The following ABCA12 variants were observed in gnomAD, a reference collection of about 807,000 sequenced individuals.
ABCA12 encodes glucosylceramide transporter ABCA12.
A neutral mutation model predicts 293.5 loss-of-function variants in ABCA12; 156 were observed. The ratio of observed to expected loss-of-function variants is 0.53; its 90% confidence interval spans 0.47 to 0.61. The LOEUF is 0.61. Among genes scored for constraint, ABCA12 ranks in the 20% least tolerant of loss-of-function variants. The pLI, the probability that ABCA12 is intolerant of heterozygous loss-of-function variation, is 0.00. For synonymous variants in ABCA12, 1,063 were observed against 1,108.0 expected, an observed-to-expected ratio of 0.96 and a Z score of 0.81; for missense variants, 2,797 against 3,090.2, an observed-to-expected ratio of 0.91 and a Z score of 2.25.
chr2:215,071,918 C>T (rs887931593), intron 2 of ABCA12, among the ~76,000 whole-genome samples: 11 of 152,276 alleles, frequency 7.2e-5, no homozygotes, highest in African/African-American at 2.4e-4. Context: ...CTGTATCAAC[C>T]GCTGTAGTGT....
intron 33 of ABCA12, among the ~76,000 whole-genome samples, chr2:214,976,761 A>G (rs896527871): frequency 1.3e-5 from 2 of 152,216 alleles, no homozygotes; most frequent in Non-Finnish European, 2.9e-5. Flanking sequence ...ATGCTTTTCT[A>G]GTGCTGAGAA....
At position 214,934,228 on chromosome 2, in the gene ABCA12, A is replaced by G; in HGVS notation, c.7543-13T>C. 6.2e-7 allele frequency: 1 copy of G among 1,613,634 alleles called. No homozygotes were observed. The highest frequency in any genetic ancestry group is 8.5e-7 in the Non-Finnish European group (1 of 1,179,648). ...TGAGGTGCTGATCCTGTGGGAACCA[A>G]AGGAAAAAAGTTTATTTTGCAATGT... is the stretch of plus-strand genomic sequence containing the variant. On this transcript the variant is annotated splice_polypyrimidine_tract_variant and intron_variant, in intron 51 of 52. Coordinates refer to ENST00000272895, the MANE Select transcript of ABCA12 (RefSeq NM_173076.3).
At chr2:214,960,924 C>T (rs1574944049) in intron 39 of ABCA12, among the ~76,000 whole-genome samples, 1 of 152,058 alleles carries the variant, frequency 6.6e-6, no homozygotes, top group East Asian at 1.9e-4. Flanking sequence ...TAGATATTGA[C>T]ATTGCAAAGG....
In ABCA12 at chr2:214,970,321, C is replaced by T. The variant is rs764908376; in HGVS notation, c.5642G>A (p.Arg1881Gln). ...AGTTGATATAAGATAATTTTCCACTCGTTGCCCAGTGAGGTTATAAATTAC... is the reference window on the plus strand; with the variant it reads ...AGTTGATATAAGATAATTTTCCACTTGTTGCCCAGTGAGGTTATAAATTAC... ...SQVIYNLTGQ[R>Q]VENYLISTAN... The change falls in exon 37 of 53, where the codon CGA becomes CAA. Residue 1881 changes from arginine (R) to glutamine (Q), a missense_variant. Transcript: ENST00000272895. 2.7e-5 allele frequency: 43 copies of T among 1,613,074 alleles called. No homozygotes were observed. The highest frequency in any genetic ancestry group is 2.0e-4 in the East Asian group (9 of 44,802).
At chr2:215,109,064 CA>C (rs1248025447) in intron 2 of ABCA12, among the ~76,000 whole-genome samples, 187 of 136,070 alleles carry the variant, frequency 1.4e-3, no homozygotes, top group Admixed American at 1.5e-3. Context: ...AAGACTGTCT[CA>C]AAAAAAAAAA....
intron 51 of ABCA12, 31 bp from the exon 52 acceptor site, chr2:214,934,246 T>G (rs1253329455): frequency 1.2e-6 from 2 of 1,613,306 alleles, no homozygotes; most frequent in Non-Finnish European, 1.7e-6. Context: ...AAGTTTATTT[T>G]GCAATGTCTG....
At chr2:215,036,721 C>T (rs1701002058) in intron 8 of ABCA12, among the ~76,000 whole-genome samples, 1 of 151,900 alleles carries the variant, frequency 6.6e-6, no homozygotes, top group African/African-American at 2.4e-5. Flanking sequence ...TACAAGCTAA[C>T]AGAGATCATT....
chr2:215,094,772 G>A (rs189612965), intron 2 of ABCA12, among the ~76,000 whole-genome samples: 3 of 149,820 alleles, frequency 2.0e-5, no homozygotes, highest in East Asian at 2.0e-4. Flanking sequence ...AAATCGAACC[G>A]CCCCCTCTAC....
chr2:214,958,955 T>A, intron 40 of ABCA12, 69 bp downstream of exon 40: 1 of 1,424,890 alleles, frequency 7.0e-7, no homozygotes, highest in Admixed American at 1.7e-5. Flanking sequence ...TGATTTCCAA[T>A]TACAGCACTT....
At chr2:214,950,384 C>CTGTGTGTGTG (rs61619476) in intron 45 of ABCA12, among the ~76,000 whole-genome samples, 10 of 116,640 alleles carry the variant, frequency 8.6e-5, no homozygotes, top group Admixed American at 2.6e-4. Flanking sequence ...ATATATATAT[C>CTGTGTGTGTG]TGTGTGTGTG....
At position 215,010,354 on chromosome 2, in the gene ABCA12, C is replaced by T; in HGVS notation, c.2449G>A (p.Val817Ile). 6.2e-7 allele frequency: 1 copy of T among 1,613,698 alleles called. No homozygotes were observed. The highest frequency in any genetic ancestry group is 8.5e-7 in the Non-Finnish European group (1 of 1,179,724). ...ACCTTTTCCATTATTGCCTTTGTGA[C>T]TGGGTTATATGGTGCATACAAAATT... ...GRILYAPYNP[V>I]TKAIMEKSNV... The change falls in exon 18 of 53, where the codon GTC becomes ATC. Residue 817 changes from valine (V) to isoleucine (I), a missense_variant. This residue lies in a region of ABCA12 where 2,130 missense variants were observed against 2,427.0 expected (regional missense o/e 0.88). Transcript: ENST00000272895.
intron 7 of ABCA12, among the ~76,000 whole-genome samples, chr2:215,040,957 C>T (rs1420206125): frequency 6.6e-6 from 1 of 152,116 alleles, no homozygotes; most frequent in Non-Finnish European, 1.5e-5. Context: ...TGATGGTTTG[C>T]TGCACCTACT....
At chr2:215,068,846 C>T (rs192191497) in intron 2 of ABCA12, among the ~76,000 whole-genome samples, 5 of 152,198 alleles carry the variant, frequency 3.3e-5, no homozygotes, top group Admixed American at 2.0e-4. Flanking sequence ...GACTCACTTC[C>T]GCAATAAATT....
At chr2:215,105,204 A>G (rs10205135) in intron 2 of ABCA12, among the ~76,000 whole-genome samples, 24,070 of 152,142 alleles carry the variant, frequency 0.16, 2,483 homozygotes, top group African/African-American at 0.27. Context: ...AGCAGCAAAC[A>G]CTTAAAGACC....
intron 16 of ABCA12, 127 bp downstream of exon 16, chr2:215,011,844 A>G (rs1700381628): frequency 2.5e-6 from 3 of 1,216,120 alleles, no homozygotes; most frequent in Admixed American, 4.0e-5. Context: ...TGCTAGGTAG[A>G]AGAGTTTTCT....
At chr2:214,948,538 G>A (rs1698653064) in intron 47 of ABCA12, 58 bp downstream of exon 47, 2 of 1,577,906 alleles carry the variant, frequency 1.3e-6, no homozygotes, top group South Asian at 1.1e-5. Flanking sequence ...TGGGGTGGGG[G>A]ATGGAAGTAG....
intron 1 of ABCA12, among the ~76,000 whole-genome samples, chr2:215,132,413 G>C (rs1198428731): frequency 6.6e-6 from 1 of 151,730 alleles, no homozygotes; most frequent in Non-Finnish European, 1.5e-5. Flanking sequence ...GTAAAGCTGG[G>C]TGCTTCCGTA....
intron 31 of ABCA12, among the ~76,000 whole-genome samples, chr2:214,979,921 G>A (rs1244303989): frequency 1.3e-5 from 2 of 152,086 alleles, no homozygotes; most frequent in Non-Finnish European, 2.9e-5. Context: ...GTTCTGTTAG[G>A]TGGTGCAGGG....
At chr2:215,099,615 C>T (rs1052305809) in intron 2 of ABCA12, among the ~76,000 whole-genome samples, 3 of 150,204 alleles carry the variant, frequency 2.0e-5, no homozygotes, top group African/African-American at 7.4e-5. Context: ...ATCACTTGAA[C>T]ACAGGAGGTG....
Sources: gnomAD v4.1 joint callset for allele counts (sites outside exome capture counted in the v4.1 genomes callset) on GRCh38, gnomAD v4.1.1 for gene constraint, gnomAD v4.1.1 regional missense constraint, MANE v1.5 for transcripts, NCBI Gene and HGNC (gene_info 2026-07-23, HGNC 2026-07-21) for gene names.